RPTOR: variants seen among roughly 807,000 people sequenced by gnomAD.
RPTOR encodes regulatory-associated protein of mTOR.
Under a neutral mutation model 169.9 loss-of-function variants are expected in RPTOR, and 21 were observed. The ratio of observed to expected loss-of-function variants is 0.12; its 90% CI spans 0.09 to 0.18. The LOEUF is 0.18. Among genes scored for constraint, RPTOR ranks in the 10% least tolerant of loss-of-function variants. The pLI is 1.00. For missense variants in RPTOR, 1,133 were observed against 1,855.9 expected (o/e 0.61, Z 7.16); for synonymous variants, 732 against 753.2 (o/e 0.97, Z 0.46).
At position 80,823,206 on chromosome 17, in the gene RPTOR, G is replaced by A. The variant is rs773641854; in HGVS notation, c.1119G>A (p.Thr373=). 1.2e-5 allele frequency: 20 copies of A among 1,613,986 alleles called. No homozygotes were observed. Among genetic ancestry groups the A allele is most frequent in the East Asian group, 2.2e-5 (1 of 44,896 alleles). ...TCAGCAGCCCGCGTCTGCCGCCCAC[G>A]TACATGCACGCCATGTGGTGAGTGT... The part of the protein sequence containing the change: ...TPVSSPRLPP[T]YMHAMWQAWD... Residue 373 remains threonine, a synonymous_variant, in exon 9 of 34, where the codon ACG becomes ACA. Coordinates refer to ENST00000306801, the MANE Select transcript of RPTOR (RefSeq NM_020761.3). This position sits in a 1 kb window ranked among gnomAD's most constrained non-coding sequence, Gnocchi z 4.5.
chr17:80,837,399 C>T (rs748243715), intron 9 of RPTOR, among the ~76,000 whole-genome samples: 12 of 152,184 alleles, frequency 7.9e-5, no homozygotes, highest in Non-Finnish European at 1.3e-4. Flanking sequence ...ACCATCACAG[C>T]GCAGAGCTCA....
At position 80,962,395 on chromosome 17, in the gene RPTOR, G is replaced by A. The variant is rs183024752; in HGVS notation, c.3693-66G>A. 8.2e-4 allele frequency: 1,076 copies of A among 1,310,068 alleles called. 1 individual carries two copies. Among genetic ancestry groups the A allele is most frequent in the Non-Finnish European group, 1.1e-3 (960 of 912,876 alleles). 81.2% of individuals were successfully genotyped at this position (1,310,068 alleles called of 1,614,324 possible). On this transcript the variant is annotated intron_variant, in intron 31 of 33. Transcript: ENST00000306801. ...GCGACCCCACACACCTGGTTCCACC[G>A]TCCCCCTGGCCAGGCCCCTCATGGG...
chr17:80,575,343 T>G (rs1330372596), intron 1 of RPTOR, among the ~76,000 whole-genome samples: 1 of 152,238 alleles, frequency 6.6e-6, no homozygotes, highest in Non-Finnish European at 1.5e-5. Flanking sequence ...AAATTTTATT[T>G]TGACTTGATC....
chr17:80,718,321 A>G (rs1051240513), intron 4 of RPTOR, among the ~76,000 whole-genome samples: 2 of 152,208 alleles, frequency 1.3e-5, no homozygotes, highest in Non-Finnish European at 2.9e-5. Context: ...ATCATCCTCA[A>G]AGGCCATTTT....
chr17:80,822,355 G>T, intron 8 of RPTOR, 54 bp downstream of exon 8: 1 of 1,544,130 alleles, frequency 6.5e-7, no homozygotes, highest in Non-Finnish European at 8.9e-7. Context: ...AGTGCGCGGG[G>T]AGCCGACTCT....
chr17:80,754,220 C>T lies in RPTOR; in HGVS notation c.830+35C>T. 6.4e-7 allele frequency: 1 copy of T among 1,552,260 alleles called. No individual in the cohort carries two copies. ...CCCTGCTGTGCCCCTGGGACCCACTCAACTGGGCTCTCCCGCAGGGACCCC... is the reference window on the plus strand; with the variant it reads ...CCCTGCTGTGCCCCTGGGACCCACTTAACTGGGCTCTCCCGCAGGGACCCC... On this transcript the variant is annotated intron_variant, in intron 6 of 33. Coordinates refer to ENST00000306801, the MANE Select transcript of RPTOR (RefSeq NM_020761.3). This position sits in a 1 kb window ranked among gnomAD's most constrained non-coding sequence, Gnocchi z 4.2.
At chr17:80,582,819 C>T (rs2065025958) in intron 1 of RPTOR, among the ~76,000 whole-genome samples, 1 of 152,030 alleles carries the variant, frequency 6.6e-6, no homozygotes, top group Admixed American at 6.6e-5. Context: ...GCTGGGATTA[C>T]AGGCGTGAGC....
intron 7 of RPTOR, among the ~76,000 whole-genome samples, chr17:80,807,742 T>C (rs909015546): frequency 1.3e-5 from 2 of 152,200 alleles, no homozygotes; most frequent in Admixed American, 6.5e-5. Context: ...TCTTCTCTTC[T>C]GTTGGCTTGT....
rs1260974124 is a variant in RPTOR, at chr17:80,764,432, A to G, written c.830+10247A>G. On this transcript the variant is annotated intron_variant, in intron 6 of 33. Coordinates refer to ENST00000306801, the MANE Select transcript of RPTOR (RefSeq NM_020761.3). ...CAGTGTTTGGTTTTTTGTCCTTGCAATAGTTTACTGAGAATGATGATTTCC... is the reference window on the plus strand; with the variant it reads ...CAGTGTTTGGTTTTTTGTCCTTGCAGTAGTTTACTGAGAATGATGATTTCC... Among the ~76,000 whole-genome samples the G allele has an allele frequency of 1.7e-4, 26 of 151,150 alleles. No homozygotes were observed. In the East Asian group the frequency reaches 4.1e-3, roughly 24 times the overall value.
At chr17:80,889,279 G>C (rs1414900098) in intron 17 of RPTOR, among the ~76,000 whole-genome samples, 1 of 152,234 alleles carries the variant, frequency 6.6e-6, no homozygotes, top group Non-Finnish European at 1.5e-5. Context: ...GAAGGAGCAG[G>C]TTCCAGGATC....
intron 20 of RPTOR, among the ~76,000 whole-genome samples, chr17:80,902,250 G>A (rs928994999): frequency 3.3e-5 from 5 of 152,194 alleles, no homozygotes; most frequent in Non-Finnish European, 5.9e-5. Context: ...TGAAGCCTTC[G>A]TTAAAACCGC....
chr17:80,962,581 G>A lies in RPTOR; in HGVS notation c.3809+4G>A, dbSNP rs748858761. 5.6e-6 allele frequency: 9 copies of A among 1,611,128 alleles called. No individual in the cohort carries two copies. The highest frequency in any genetic ancestry group is 7.6e-6 in the Non-Finnish European group (9 of 1,178,308). ...CCCAGGCGGACCTGATCGCATGGTA[G>A]GCGCCACCCACCTCCCTGGCCTGCA... On this transcript the variant is annotated splice_donor_region_variant and intron_variant, in intron 32 of 33. Coordinates refer to ENST00000306801, the MANE Select transcript of RPTOR (RefSeq NM_020761.3).
chr17:80,626,106 G>A (rs1162600656), intron 2 of RPTOR, among the ~76,000 whole-genome samples: 1 of 152,068 alleles, frequency 6.6e-6, no homozygotes, highest in African/African-American at 2.4e-5. Flanking sequence ...AGGCTGGAGT[G>A]CAGTGGCATG....
intron 7 of RPTOR, among the ~76,000 whole-genome samples, chr17:80,795,563 AT>A (rs113112880): frequency 0.047 from 6,814 of 146,068 alleles, 155 homozygotes; most frequent in East Asian, 0.074. Flanking sequence ...CTAAAGGTTT[AT>A]TTTTTTTTTT....
At chr17:80,598,585 A>T (rs2065160831) in intron 1 of RPTOR, among the ~76,000 whole-genome samples, 1 of 152,256 alleles carries the variant, frequency 6.6e-6, no homozygotes, top group Non-Finnish European at 1.5e-5. Context: ...AAGAGCCTTG[A>T]GTCCAAGTTG....
intron 9 of RPTOR, among the ~76,000 whole-genome samples, chr17:80,833,118 G>T (rs923724412): frequency 1.4e-5 from 2 of 145,936 alleles, no homozygotes; most frequent in African/African-American, 5.1e-5. Context: ...GGGCGGGCGC[G>T]CTCTGACTGA....
At chr17:80,582,587 C>G (rs1599573569) in intron 1 of RPTOR, among the ~76,000 whole-genome samples, 1 of 144,132 alleles carries the variant, frequency 6.9e-6, no homozygotes, top group East Asian at 2.1e-4. Context: ...GCTCTGTTGC[C>G]CAGGCTGGAG....
rs535497905 is a variant in RPTOR, at chr17:80,652,438, A to G, written c.348+8628A>G. 1.1e-4 allele frequency among the ~76,000 whole-genome samples: 17 copies of G among 152,310 alleles called. No homozygotes were observed. The South Asian group carries it at 2.5e-3, about 22-fold the overall frequency. Reference sequence around the variant, plus strand: ...TTTGCGTCTGGGCTCTTTCCTTAGCATCTGGAATGTTTTCAAGATTCCTCC... The same window carrying G: ...TTTGCGTCTGGGCTCTTTCCTTAGCGTCTGGAATGTTTTCAAGATTCCTCC... On this transcript the variant is annotated intron_variant, in intron 3 of 33. Coordinates refer to ENST00000306801, the MANE Select transcript of RPTOR (RefSeq NM_020761.3).
At chr17:80,665,299 T>C (rs1221553797) in intron 3 of RPTOR, among the ~76,000 whole-genome samples, 1 of 151,640 alleles carries the variant, frequency 6.6e-6, no homozygotes, top group African/African-American at 2.4e-5. Flanking sequence ...ACTGCTTGTT[T>C]TCTTCTTGAG....
Sources: allele counts gnomAD v4.1 joint callset (sites outside exome capture counted in the v4.1 genomes callset), GRCh38; gene constraint gnomAD v4.1.1; non-coding constraint Gnocchi (gnomAD v3.1); transcripts MANE v1.5; gene names NCBI Gene and HGNC (gene_info 2026-07-23, HGNC 2026-07-21).